Variants in MLX observed in about 807,000 individuals in gnomAD.
The protein encoded by MLX is MAX dimerization protein MLX.
In MLX, 15 loss-of-function variants were observed where a neutral mutation model predicts 33.0. That is an observed-to-expected ratio of 0.45 (90% confidence interval 0.30 to 0.70). The LOEUF is 0.70. Ranked by LOEUF, MLX falls within the 30% of genes least tolerant of loss-of-function variation. The pLI, the probability that MLX is intolerant of heterozygous loss-of-function variation, is 0.07. For synonymous variants in MLX, 115 were observed against 115.6 expected (o/e 0.99, Z 0.03); for missense variants, 285 against 306.3 (o/e 0.93, Z 0.52).
At position 42,571,583 on chromosome 17, in the gene MLX, T is replaced by C. The variant is rs2093033005; in HGVS notation, c.715T>C (p.Leu239=). 4 of 1,614,100 alleles carry C rather than the reference T, an allele frequency of 2.5e-6. No homozygotes were observed. The highest frequency in any genetic ancestry group is 1.1e-5 in the South Asian group (1 of 91,080). The change falls in exon 8 of 8, where the codon TTG becomes CTG. Residue 239 remains leucine, a synonymous_variant. Transcript: ENST00000435881. ...REIVIGVLHQ[L]KNQLY is the part of the protein sequence containing the mutation. ...GATTGTGATTGGCGTCCTGCACCAA[T>C]TGAAAAACCAGCTTTACTGACCGGT... is the stretch of plus-strand genomic sequence containing the variant.
intron 6 of MLX, 102 bp from the exon 7 acceptor site, chr17:42,569,880 C>G: frequency 8.6e-7 from 1 of 1,161,020 alleles, no homozygotes; most frequent in Non-Finnish European, 1.3e-6. Flanking sequence ...CCCAGAAGCT[C>G]TCTGGGGCTG....
chr17:42,571,431 G>A, intron 7 of MLX, 116 bp from the exon 8 acceptor site: 1 of 1,148,344 alleles, frequency 8.7e-7, no homozygotes, highest in Admixed American at 1.7e-5. Flanking sequence ...CTGGCCCCCG[G>A]GGGGCTATTT....
At position 42,571,752 on chromosome 17, in the gene MLX, T is replaced by G. The variant is rs565874083; in HGVS notation, c.*149T>G. 1 of 745,150 alleles carries G rather than the reference T, an allele frequency of 1.3e-6. No individual in the cohort carries two copies. Among genetic ancestry groups the G allele is most frequent in the Admixed American group, 2.3e-5 (1 of 43,628 alleles). The allele number at this position is 745,150 out of a possible 1,614,324, so 46.2% of individuals were successfully genotyped here. On this transcript the variant is annotated 3_prime_UTR_variant, in exon 8 of 8. Coordinates refer to ENST00000435881, the MANE Select transcript of MLX (RefSeq NM_198204.2). ...GTGTTTGGTTTTTCCCAGCCCCATT[T>G]TATCTTCAGCGGAGCCGCGGTGTTT...
At chr17:42,571,103 C>A (rs1349944848) in intron 7 of MLX, among the ~76,000 whole-genome samples, 1 of 151,210 alleles carries the variant, frequency 6.6e-6, no homozygotes, top group Non-Finnish European at 1.5e-5. Flanking sequence ...AGGAGCACCT[C>A]AAATTAAACT....
At chr17:42,569,648 C>T in intron 6 of MLX, 42 bp downstream of exon 6, 1 of 1,463,200 alleles carries the variant, frequency 6.8e-7, no homozygotes, top group Non-Finnish European at 9.6e-7. Flanking sequence ...ACTTCTGAGG[C>T]AACTTCATTG....
chr17:42,571,762 C>T lies in MLX; in HGVS notation c.*159C>T, dbSNP rs529984704. The T allele has an allele frequency of 4.9e-5, 33 of 678,888 alleles. No individual in the cohort carries two copies. Among genetic ancestry groups the T allele is most frequent in the African/African-American group, 5.4e-5 (3 of 55,242 alleles). 42.1% of individuals were successfully genotyped at this position (678,888 alleles called of 1,614,324 possible). A position where few individuals can be genotyped will look rare whatever the true frequency, so the allele number is the denominator to read the frequency against. ...TTTCCCAGCCCCATTTTATCTTCAG[C>T]GGAGCCGCGGTGTTTGTTTTGTGAA... On this transcript the variant is annotated 3_prime_UTR_variant, in exon 8 of 8. Transcript: ENST00000435881.
chr17:42,569,678 A>G, intron 6 of MLX, 72 bp downstream of exon 6: 3 of 1,172,590 alleles, frequency 2.6e-6, no homozygotes, highest in East Asian at 4.7e-5. Context: ...CCTTGTTCAA[A>G]GGCCACATCA....
chr17:42,570,261 G>A (rs749278763), intron 7 of MLX, 78 bp downstream of exon 7: 246 of 1,416,396 alleles, frequency 1.7e-4, no homozygotes, highest in Non-Finnish European at 2.3e-4. Flanking sequence ...CAGCTGTTGA[G>A]AAAAGCGTGG....
chr17:42,572,322 A>G lies in MLX; in HGVS notation c.*719A>G, dbSNP rs531642609. 1 of 453,896 alleles carries G rather than the reference A, an allele frequency of 2.2e-6. No individual in the cohort carries two copies. The highest frequency in any genetic ancestry group is 2.4e-5 in the Admixed American group (1 of 42,490). The allele number at this position is 453,896 out of a possible 1,614,324, so 28.1% of individuals were successfully genotyped here. ...TATAACACAGCACTACATATTGGAA[A>G]TTTTTTATTTTTCTAAATACCAATG... On this transcript the variant is annotated 3_prime_UTR_variant, in exon 8 of 8. Transcript: ENST00000435881.
At chr17:42,570,765 C>T (rs1278227210) in intron 7 of MLX, among the ~76,000 whole-genome samples, 2 of 152,136 alleles carry the variant, frequency 1.3e-5, no homozygotes, top group African/African-American at 2.4e-5. Context: ...ACGCCATTCT[C>T]CTGCCTCAGC....
In MLX at chr17:42,567,666, G is replaced by A; in HGVS notation, c.79+11G>A. 2 of 1,614,132 alleles carry A rather than the reference G, an allele frequency of 1.2e-6. No homozygotes were observed. Among genetic ancestry groups the A allele is most frequent in the Non-Finnish European group, 1.7e-6 (2 of 1,180,002 alleles). ...ACAGCCTGGACCCCGGTGAGTAGCT[G>A]CCCCATCTTAAGCTCTAGAGGGACA... On this transcript the variant is annotated intron_variant, in intron 2 of 7. Transcript: ENST00000435881.
intron 6 of MLX, 68 bp from the exon 7 acceptor site, chr17:42,569,913 TA>T (rs1216517656): frequency 7.0e-7 from 1 of 1,438,740 alleles, no homozygotes; most frequent in African/African-American, 1.4e-5. Context: ...GTACACAGGA[TA>T]GTCCCGTCAT....
rs759649887 is a variant in MLX at position 42,572,804 on chromosome 17, C to G, written c.*1201C>G. 1.2e-6 allele frequency: 1 copy of G among 827,080 alleles called. No homozygotes were observed. The highest frequency in any genetic ancestry group is 1.4e-5 in the South Asian group (1 of 70,104). 51.2% of individuals were successfully genotyped at this position (827,080 alleles called of 1,614,324 possible). A position where few individuals can be genotyped will look rare whatever the true frequency, so the allele number is the denominator to read the frequency against. On this transcript the variant is annotated 3_prime_UTR_variant, in exon 8 of 8. Coordinates refer to ENST00000435881, the MANE Select transcript of MLX (RefSeq NM_198204.2). ...CTACCCCCAGCCACCAGCCCTCATCCTCTCTACCCAGTGCTCTGGTTTATG... is the reference window on the plus strand; with the variant it reads ...CTACCCCCAGCCACCAGCCCTCATCGTCTCTACCCAGTGCTCTGGTTTATG...
intron 6 of MLX, 136 bp downstream of exon 6, chr17:42,569,742 G>A: frequency 1.3e-6 from 1 of 770,640 alleles, no homozygotes; most frequent in Non-Finnish European, 2.2e-6. Flanking sequence ...GTAGGACTGT[G>A]TATCCCCAAC....
chr17:42,569,891 C>A, intron 6 of MLX, 91 bp from the exon 7 acceptor site: 1 of 1,259,714 alleles, frequency 7.9e-7, no homozygotes, highest in Non-Finnish European at 1.1e-6. Flanking sequence ...TCTGGGGCTG[C>A]CATTCCTGGG....
chr17:42,571,500 G>A (rs1192275300), intron 7 of MLX, 47 bp from the exon 8 acceptor site: 1 of 1,597,498 alleles, frequency 6.3e-7, no homozygotes, highest in Admixed American at 1.7e-5. Flanking sequence ...AAACTACTCT[G>A]CGTTGACTTG....
chr17:42,568,298 G>A, intron 2 of MLX, 172 bp from the exon 3 acceptor site: 1 of 368,054 alleles, frequency 2.7e-6, no homozygotes, highest in Admixed American at 4.0e-5. Context: ...GGGAGGCGGA[G>A]CTTGCAGTGA....
chr17:42,570,214 G>C, intron 7 of MLX, 31 bp downstream of exon 7: 2 of 1,606,700 alleles, frequency 1.2e-6, no homozygotes, highest in Non-Finnish European at 1.7e-6. Context: ...CAGGGTCTGC[G>C]GTTTTCTCTA....
At position 42,567,652 on chromosome 17, in the gene MLX, C is replaced by G; in HGVS notation, c.76C>G (p.Pro26Ala). The G allele has an allele frequency of 1.9e-6, 3 of 1,614,122 alleles. No homozygotes were observed. The highest frequency in any genetic ancestry group is 1.3e-5 in the African/African-American group (1 of 75,040). The change falls in exon 2 of 8, where the codon CCC (proline) becomes GCC (alanine). Residue 26 changes from proline to alanine, a missense_variant. Pro to Ala is a conservative substitution (Grantham distance 27, BLOSUM62 -1). Transcript: ENST00000435881. ...TGCCTACAGCGACAACAGCCTGGAC[C>G]CCGGTGAGTAGCTGCCCCATCTTAA... The part of the protein sequence containing the change: ...EYAYSDNSLD[P>A]GLFVESTRKG...
Sources: gnomAD v4.1 joint callset for allele counts (sites outside exome capture counted in the v4.1 genomes callset) on GRCh38, gnomAD v4.1.1 for gene constraint, MANE v1.5 for transcripts, NCBI Gene and HGNC (gene_info 2026-07-23, HGNC 2026-07-21) for gene names.